The following CCKAR variants were observed in gnomAD, a reference collection of about 807,000 sequenced individuals.
CCKAR encodes the protein cholecystokinin A receptor.
Under a neutral mutation model 29.8 loss-of-function variants are expected in CCKAR, and 21 were observed. That is an observed-to-expected ratio of 0.70 (90% CI 0.50 to 1.01). The LOEUF (loss-of-function observed/expected upper bound fraction) is 1.01, where lower values mean the gene tolerates loss of function less well. Among genes scored for constraint, CCKAR ranks in the 50% least tolerant of loss-of-function variants. The pLI is 0.00. For synonymous variants in CCKAR, 238 were observed against 221.3 expected (o/e 1.08, Z -0.67); for missense variants, 570 against 560.6 (o/e 1.02, Z -0.17).
chr4:26,489,968 G>T (rs1737526201), intron 1 of CCKAR, among the ~76,000 whole-genome samples, 188 bp downstream of exon 1: 1 of 151,926 alleles, frequency 6.6e-6, no homozygotes, highest in Non-Finnish European at 1.5e-5. Context: ...CTCCCCCATG[G>T]GGGACAATAA....
In CCKAR at chr4:26,485,706, G is replaced by A. The variant is rs769825338; in HGVS notation, c.557C>T (p.Thr186Ile). ...YPIYSNLVPF[T>I]KNNNQTANMC... ...ATTCGCGGTCTGGTTGTTATTTTTG[G>A]TAAAAGGCACCAAGTTGCTATAAAT... The change falls in exon 3 of 5, where the codon ACC becomes ATC. Residue 186 changes from threonine to isoleucine, a missense_variant. By Grantham distance (89) the Thr-to-Ile change is moderately conservative. Coordinates refer to ENST00000295589, the MANE Select transcript of CCKAR (RefSeq NM_000730.3). 2.5e-6 allele frequency: 4 copies of A among 1,614,018 alleles called. No individual in the cohort carries two copies. The African/African-American group carries it at 5.3e-5, about 22-fold the overall frequency.
chr4:26,486,094 A>T (rs914008924), intron 2 of CCKAR, among the ~76,000 whole-genome samples, 196 bp from the exon 3 acceptor site: 3 of 152,240 alleles, frequency 2.0e-5, no homozygotes, highest in Non-Finnish European at 4.4e-5. Context: ...TAAGGCAGTT[A>T]AAGAAATGGC....
At chr4:26,487,101 T>C (rs1473282542) in intron 2 of CCKAR, among the ~76,000 whole-genome samples, 1 of 152,194 alleles carries the variant, frequency 6.6e-6, no homozygotes, top group Non-Finnish European at 1.5e-5. Context: ...CCCTGTAGAG[T>C]CCTTCTGCTA....
chr4:26,484,244 A>G (rs771242971), intron 3 of CCKAR, among the ~76,000 whole-genome samples: 2 of 152,142 alleles, frequency 1.3e-5, no homozygotes, highest in African/African-American at 2.4e-5. Flanking sequence ...TCAATTTGAC[A>G]TGTTTTGATA....
intron 1 of CCKAR, 91 bp from the exon 2 acceptor site, chr4:26,489,575 TC>T (rs1737518613): frequency 6.1e-6 from 9 of 1,476,676 alleles, no homozygotes; most frequent in South Asian, 2.5e-5. Context: ...CTGCCGATTT[TC>T]CCCCCACCGG....
chr4:26,488,343 T>A (rs962029891), intron 2 of CCKAR, among the ~76,000 whole-genome samples: 1 of 152,212 alleles, frequency 6.6e-6, no homozygotes, highest in African/African-American at 2.4e-5. Context: ...TTGCTTACCA[T>A]CTGTGTGGTT....
Position 26,485,772 on chromosome 4 carries a change from G to A in CCKAR, c.491C>T (p.Ala164Val). Residue 164 changes from alanine to valine, a missense_variant, in exon 3 of 5, where the codon GCT becomes GTT. Coordinates refer to ENST00000295589, the MANE Select transcript of CCKAR (RefSeq NM_000730.3). The part of the protein sequence containing the change: ...TKSHALKVIA[A>V]TWCLSFTIMT... The stretch of plus-strand genomic sequence containing the variant: ...GATGGTAAAGGAAAGGCACCAGGTA[G>A]CAGCAATCACCTTCAAAGCATGGGA... 3.7e-6 allele frequency: 6 copies of A among 1,614,136 alleles called. No homozygotes were observed. Among genetic ancestry groups the A allele is most frequent in the Non-Finnish European group, 5.1e-6 (6 of 1,180,016 alleles).
chr4:26,485,154 A>G (rs975210818), intron 3 of CCKAR, among the ~76,000 whole-genome samples: 5 of 150,712 alleles, frequency 3.3e-5, no homozygotes, highest in African/African-American at 9.8e-5. Context: ...AGGTCACACC[A>G]TTGCACTCCA....
rs1272463941 is a variant in CCKAR, at chr4:26,481,710, T to A, written c.1215A>T (p.Glu405Asp). 6.2e-7 allele frequency: 1 copy of A among 1,614,028 alleles called. No individual in the cohort carries two copies. The highest frequency in any genetic ancestry group is 1.3e-5 in the African/African-American group (1 of 74,924). ...ACAGAGAGGCTCCTGTGGTCCCGCC[T>A]TCCTCCTCCTCCCCCACCTCTCCCC... ...GARGEVGEEE[E>D]GGTTGASLSR... Residue 405 changes from glutamate to aspartate, a missense_variant, in exon 5 of 5, where the codon GAA becomes GAT. By Grantham distance (45) the Glu-to-Asp change is conservative. Coordinates refer to ENST00000295589, the MANE Select transcript of CCKAR (RefSeq NM_000730.3).
In CCKAR at chr4:26,485,697, T is replaced by C; in HGVS notation, c.566A>G (p.Asn189Ser). The C allele has an allele frequency of 6.2e-6, 10 of 1,614,216 alleles. No homozygotes were observed. Among genetic ancestry groups the C allele is most frequent in the Non-Finnish European group, 7.6e-6 (9 of 1,180,042 alleles). Reference protein sequence around the residue: ...YSNLVPFTKNNNQTANMCRFL... With the variant: ...YSNLVPFTKNSNQTANMCRFL... ...GCGGCACATATTCGCGGTCTGGTTG[T>C]TATTTTTGGTAAAAGGCACCAAGTT... Residue 189 changes from asparagine (N) to serine (S), a missense_variant, in exon 3 of 5, where the codon AAC (asparagine) becomes AGC (serine). By Grantham distance (46) the Asn-to-Ser change is conservative. Coordinates refer to ENST00000295589, the MANE Select transcript of CCKAR (RefSeq NM_000730.3).
chr4:26,481,529 G>T lies in CCKAR; in HGVS notation c.*109C>A. 1 of 1,194,344 alleles carries T rather than the reference G, an allele frequency of 8.4e-7. No individual in the cohort carries two copies. Among genetic ancestry groups the T allele is most frequent in the Non-Finnish European group, 1.2e-6 (1 of 822,806 alleles). 74.0% of individuals were successfully genotyped at this position (1,194,344 alleles called of 1,614,324 possible). A position where few individuals can be genotyped will look rare whatever the true frequency, so the allele number is the denominator to read the frequency against. On this transcript the variant is annotated 3_prime_UTR_variant, in exon 5 of 5. Coordinates refer to ENST00000295589, the MANE Select transcript of CCKAR (RefSeq NM_000730.3). ...TTGAAGAGTTCCCACTGGAGATGGA[G>T]CCTTCCTTCTCCATCAGCTCTGCTC...
chr4:26,485,442 G>A (rs538255888), intron 3 of CCKAR, among the ~76,000 whole-genome samples, 195 bp downstream of exon 3: 3 of 152,202 alleles, frequency 2.0e-5, no homozygotes, highest in African/African-American at 7.2e-5. Context: ...ATGAATATAT[G>A]CATGGCATTT....
chr4:26,489,839 GACA>G (rs1383121166), intron 1 of CCKAR, among the ~76,000 whole-genome samples: 3 of 152,026 alleles, frequency 2.0e-5, no homozygotes. Context: ...GCTGCATGGT[GACA>G]ACACCTTTTC....
chr4:26,486,244 C>T lies in CCKAR; in HGVS notation c.365-346G>A, dbSNP rs956498253. On this transcript the variant is annotated intron_variant, in intron 2 of 4. Transcript: ENST00000295589. ...ATTCTTGCCCCCACAGAAGAGGTTT[C>T]TCTAAAATCTGAAGAAAAGCTGTAA... Among the ~76,000 whole-genome samples the T allele has an allele frequency of 7.9e-5, 12 of 152,268 alleles. No individual in the cohort carries two copies. The East Asian group carries it at 2.3e-3, about 29-fold the overall frequency.
At position 26,485,527 on chromosome 4, in the gene CCKAR, G is replaced by A. The variant is rs367882401; in HGVS notation, c.626+110C>T. 48 of 1,156,234 alleles carry A rather than the reference G, an allele frequency of 4.2e-5. No homozygotes were observed. The Middle Eastern group carries it at 9.1e-4, about 22-fold the overall frequency. 71.6% of individuals were successfully genotyped at this position (1,156,234 alleles called of 1,614,324 possible). On this transcript the variant is annotated intron_variant, in intron 3 of 4. Transcript: ENST00000295589. ...GAGGCTAGAAAGACCTTCTCAAAAC[G>A]TCTCCAGGAAACTGATCCCCCAACC...
Position 26,481,655 on chromosome 4 carries a change from A to G in CCKAR, c.1270T>C (p.Ser424Pro). 6.2e-7 allele frequency: 1 copy of G among 1,614,060 alleles called. No individual in the cohort carries two copies. Among genetic ancestry groups the G allele is most frequent in the Non-Finnish European group, 8.5e-7 (1 of 1,180,020 alleles). The change falls in exon 5 of 5, where the codon TCG (serine) becomes CCG (proline). Residue 424 changes from serine (S) to proline (P), a missense_variant. Coordinates refer to ENST00000295589, the MANE Select transcript of CCKAR (RefSeq NM_000730.3). ...GGGACATCTCACTGGGGTGGCACCG[A>G]GGCACTCATATGGCTGTACGAGAAC... ...SRFSYSHMSA[S>P]VPPQ
At chr4:26,484,771 G>A (rs1454023688) in intron 3 of CCKAR, among the ~76,000 whole-genome samples, 2 of 152,074 alleles carry the variant, frequency 1.3e-5, no homozygotes, top group Admixed American at 1.3e-4. Context: ...GCCAGCTGCA[G>A]TGGCTCATGC....
Position 26,482,145 on chromosome 4 carries a change from G to A in CCKAR, c.780C>T (p.Ser260=), listed in dbSNP as rs200117329. 2.2e-5 allele frequency: 36 copies of A among 1,611,044 alleles called. No individual in the cohort carries two copies. In the African/African-American group the frequency reaches 3.5e-4, roughly 16 times the overall value. The change falls in exon 5 of 5, where the codon AGC becomes AGT. Residue 260 remains serine (S), a synonymous_variant. Coordinates refer to ENST00000295589, the MANE Select transcript of CCKAR (RefSeq NM_000730.3). ...AKERKPSTTS[S]GKYEDSDGCY... is the part of the protein sequence containing the mutation. Reference sequence around the variant, plus strand: ...ACCCATCGCTGTCCTCATATTTGCCGCTGCTGGTGGTGCTAGGTTTCCTTT... The same window carrying A: ...ACCCATCGCTGTCCTCATATTTGCCACTGCTGGTGGTGCTAGGTTTCCTTT...
chr4:26,487,632 C>T (rs927276111), intron 2 of CCKAR, among the ~76,000 whole-genome samples: 5 of 152,302 alleles, frequency 3.3e-5, no homozygotes, highest in African/African-American at 1.2e-4. Flanking sequence ...ATTGCAAATA[C>T]TTTCAGAATG....
Sources: gnomAD v4.1 joint callset for allele counts (sites outside exome capture counted in the v4.1 genomes callset) on GRCh38, gnomAD v4.1.1 for gene constraint, MANE v1.5 for transcripts, NCBI Gene and HGNC (gene_info 2026-07-23, HGNC 2026-07-21) for gene names.